Variants in SPPL3 observed in about 807,000 individuals in gnomAD.
SPPL3 encodes the protein signal peptide peptidase like 3, also known as signal peptide peptidase-like 3.
Under a neutral mutation model 42.4 loss-of-function variants are expected in SPPL3, and 5 were observed. The observed-to-expected ratio is 0.12, with a 90% CI of 0.06 to 0.25. The LOEUF (loss-of-function observed/expected upper bound fraction) is 0.25, where lower values mean the gene tolerates loss of function less well. SPPL3 is among the 10% of genes least tolerant of loss of function. The probability of loss-of-function intolerance (pLI) is 1.00; values close to 1 mark genes in which losing one functional copy is unlikely to be tolerated. For missense variants in SPPL3, 235 were observed against 489.0 expected, an observed-to-expected ratio of 0.48 and a Z score of 4.90; for synonymous variants, 195 against 181.8, an observed-to-expected ratio of 1.07 and a Z score of -0.58.
intron 1 of SPPL3, among the ~76,000 whole-genome samples, chr12:120,828,704 TCA>T (rs1385941234): frequency 6.6e-6 from 1 of 152,208 alleles, no homozygotes; most frequent in East Asian, 1.9e-4. Flanking sequence ...TTCCAGAAAT[TCA>T]CAAATTTATA....
intron 1 of SPPL3, among the ~76,000 whole-genome samples, chr12:120,855,260 T>C (rs1236696914): frequency 6.6e-6 from 1 of 152,156 alleles, no homozygotes; most frequent in Non-Finnish European, 1.5e-5. Flanking sequence ...GAAATAATAG[T>C]TTCCTGGCAT....
At chr12:120,775,202 G>A (rs1161296181) in intron 6 of SPPL3, among the ~76,000 whole-genome samples, 3 of 152,152 alleles carry the variant, frequency 2.0e-5, no homozygotes, top group African/African-American at 7.2e-5. Flanking sequence ...CCAGGTTGGA[G>A]TGCAGTGGTG....
chr12:120,817,288 CT>C lies in SPPL3; in HGVS notation c.24-6403del, dbSNP rs1371922974. 3.3e-5 allele frequency among the ~76,000 whole-genome samples: 5 copies of C among 152,202 alleles called. No individual in the cohort carries two copies. In the East Asian group the frequency reaches 9.6e-4, roughly 29 times the overall value. On this transcript the variant is annotated intron_variant, in intron 1 of 10. Transcript: ENST00000353487. ...TCAGCCTGGGTGACAGAGCGAGACC[CT>C]GTCTCAAAAAAGTTTAAAAAGTCTG...
rs941372018 is a variant in SPPL3, at chr12:120,882,927, G to A, written c.23+20918C>T. 2.0e-5 allele frequency among the ~76,000 whole-genome samples: 3 copies of A among 151,182 alleles called. No individual in the cohort carries two copies. The South Asian group carries it at 6.3e-4, about 32-fold the overall frequency. On this transcript the variant is annotated intron_variant, in intron 1 of 10. Coordinates refer to ENST00000353487, the MANE Select transcript of SPPL3 (RefSeq NM_139015.5). ...AATCACAGAGGTAATGCTAGAGATC[G>A]TTGAGGAAAGCAGGGACTATTTTAT...
At chr12:120,857,162 A>G (rs951751152) in intron 1 of SPPL3, among the ~76,000 whole-genome samples, 3 of 152,200 alleles carry the variant, frequency 2.0e-5, no homozygotes, top group African/African-American at 7.2e-5. Context: ...CTTCCCCTCC[A>G]CCAGAAAAGT....
chr12:120,886,071 G>A (rs958930856), intron 1 of SPPL3, among the ~76,000 whole-genome samples: 2 of 151,608 alleles, frequency 1.3e-5, no homozygotes, highest in Non-Finnish European at 2.9e-5. Flanking sequence ...TCGAACTCAT[G>A]ACCTCAGGTG....
chr12:120,789,176 G>A (rs1237689550), intron 3 of SPPL3, among the ~76,000 whole-genome samples: 1 of 152,160 alleles, frequency 6.6e-6, no homozygotes, highest in African/African-American at 2.4e-5. Context: ...CATTTAGGTT[G>A]GGTGCAGTGG....
At chr12:120,900,923 C>CAAA (rs11432981) in intron 1 of SPPL3, among the ~76,000 whole-genome samples, 13 of 101,394 alleles carry the variant, frequency 1.3e-4, no homozygotes, top group Non-Finnish European at 1.6e-4. Context: ...CCCTGTCTCA[C>CAAA]AAAAAAAAAA....
chr12:120,791,992 A>C (rs1869931638), intron 2 of SPPL3: 1 of 172,796 alleles, frequency 5.8e-6, no homozygotes, highest in African/African-American at 2.4e-5. Flanking sequence ...TCAACAACAA[A>C]AAAAATTTGA....
At chr12:120,815,762 T>C (rs535867927) in intron 1 of SPPL3, among the ~76,000 whole-genome samples, 35 of 152,210 alleles carry the variant, frequency 2.3e-4, no homozygotes, top group Non-Finnish European at 4.7e-4. Context: ...AGTCTCGCTC[T>C]GTCGCCCAGT....
intron 2 of SPPL3, 34 bp downstream of exon 2, chr12:120,810,775 C>G (rs1870656766): frequency 6.5e-7 from 1 of 1,533,504 alleles, no homozygotes; most frequent in African/African-American, 1.4e-5. Context: ...CTTCCACCTC[C>G]AACTTGTATC....
At chr12:120,888,962 T>C (rs773367031) in intron 1 of SPPL3, among the ~76,000 whole-genome samples, 138 of 152,024 alleles carry the variant, frequency 9.1e-4, no homozygotes, top group Middle Eastern at 6.8e-3. Context: ...TACAGGTTCA[T>C]GCCACCTCAC....
Position 120,791,569 on chromosome 12 carries a change from A to C in SPPL3, c.102-12T>G, listed in dbSNP as rs1452195508. On this transcript the variant is annotated splice_polypyrimidine_tract_variant and intron_variant, in intron 2 of 10. Coordinates refer to ENST00000353487, the MANE Select transcript of SPPL3 (RefSeq NM_139015.5). ...CCATATTAAGGGACCTGTGGAAAAA[A>C]ATTTTGTAGTTAAGTTGTAGTTTTG... 4 of 1,575,534 alleles carry C rather than the reference A, an allele frequency of 2.5e-6. No individual in the cohort carries two copies. Among genetic ancestry groups the C allele is most frequent in the Non-Finnish European group, 3.4e-6 (4 of 1,161,504 alleles).
At chr12:120,799,084 A>G (rs1481348321) in intron 2 of SPPL3, among the ~76,000 whole-genome samples, 1 of 152,168 alleles carries the variant, frequency 6.6e-6, no homozygotes, top group African/African-American at 2.4e-5. Flanking sequence ...CTTGACTTAC[A>G]ATGGAGTTAT....
At chr12:120,863,954 G>A (rs534375116) in intron 1 of SPPL3, among the ~76,000 whole-genome samples, 6 of 151,794 alleles carry the variant, frequency 4.0e-5, no homozygotes, top group South Asian at 4.2e-4. Flanking sequence ...CTGAGATCCC[G>A]GGCATGAGCT....
intron 1 of SPPL3, among the ~76,000 whole-genome samples, chr12:120,827,091 T>G (rs1053061302): frequency 3.3e-5 from 5 of 151,956 alleles, no homozygotes; most frequent in Admixed American, 2.0e-4. Context: ...TGGTTAGAGT[T>G]TAAATCACAG....
rs1351036691 is a variant in SPPL3 at position 120,889,799 on chromosome 12, AT to A, written c.23+14045del. Among the ~76,000 whole-genome samples the A allele has an allele frequency of 2.4e-5, 3 of 122,866 alleles. No individual in the cohort carries two copies. The East Asian group carries it at 7.3e-4, about 30-fold the overall frequency. 80.6% of individuals were successfully genotyped at this position (122,866 alleles called of 152,430 possible). ...TCCTACAAATTAAATAGTGATTGTT[AT>A]GAAGGTAGGTCCAGCCTAACACCTT... On this transcript the variant is annotated intron_variant, in intron 1 of 10. Coordinates refer to ENST00000353487, the MANE Select transcript of SPPL3 (RefSeq NM_139015.5).
intron 1 of SPPL3, among the ~76,000 whole-genome samples, chr12:120,884,655 G>A (rs1873393600): frequency 6.6e-6 from 1 of 151,082 alleles, no homozygotes; most frequent in Non-Finnish European, 1.5e-5. Context: ...AGAATTGTGG[G>A]TAGTTTTTCT....
intron 1 of SPPL3, chr12:120,845,465 G>T: frequency 2.4e-6 from 1 of 420,706 alleles, no homozygotes; most frequent in South Asian, 2.4e-5. Flanking sequence ...CCCACACAGT[G>T]AAGCTAATAT....
Sources: allele counts gnomAD v4.1 joint callset (sites outside exome capture counted in the v4.1 genomes callset), GRCh38; gene constraint gnomAD v4.1.1; transcripts MANE v1.5; gene names NCBI Gene and HGNC (gene_info 2026-07-23, HGNC 2026-07-21).